Variants in PANK4 observed in about 807,000 individuals in gnomAD.
PANK4 encodes the protein pantothenate kinase 4 (inactive).
A neutral mutation model predicts 87.9 loss-of-function variants in PANK4; 40 were observed. The observed-to-expected ratio is 0.46, with a 90% CI of 0.35 to 0.59. PANK4 has a LOEUF of 0.59. Among genes scored for constraint, PANK4 ranks in the 20% least tolerant of loss-of-function variants. PANK4 has a pLI of 0.00. For synonymous variants in PANK4, 524 were observed against 467.4 expected, an observed-to-expected ratio of 1.12 and a Z score of -1.56; for missense variants, 926 against 1,072.3, an observed-to-expected ratio of 0.86 and a Z score of 1.90.
Position 2,515,179 on chromosome 1 carries a change from G to A in PANK4, c.1374+383C>T, listed in dbSNP as rs1172154261. The A allele has an allele frequency of 7.4e-6, 3 of 403,236 alleles. No individual in the cohort carries two copies. The highest frequency in any genetic ancestry group is 9.9e-6 in the Non-Finnish European group (2 of 202,644). The allele number at this position is 403,236 out of a possible 1,614,324, so 25.0% of individuals were successfully genotyped here. A position where few individuals can be genotyped will look rare whatever the true frequency, so the allele number is the denominator to read the frequency against. On this transcript the variant is annotated intron_variant, in intron 10 of 18. Coordinates refer to ENST00000378466, the MANE Select transcript of PANK4 (RefSeq NM_018216.4). This position sits in a 1 kb window ranked among gnomAD's most constrained non-coding sequence, Gnocchi z 5.0. Reference sequence around the variant, plus strand: ...GACGCAGGAGTCCCAAGGTGGCCTCGCCGGGAGCTTGCTGGGGCTGAGTCT... The same window carrying A: ...GACGCAGGAGTCCCAAGGTGGCCTCACCGGGAGCTTGCTGGGGCTGAGTCT...
intron 10 of PANK4, among the ~76,000 whole-genome samples, 172 bp from the exon 11 acceptor site, chr1:2,514,638 G>A (rs1161711748): frequency 7.1e-6 from 1 of 140,882 alleles, no homozygotes; most frequent in African/African-American, 2.7e-5. Context: ...GGCTGTCGGG[G>A]GCTGTTTGGG....
At position 2,510,925 on chromosome 1, in the gene PANK4, T is replaced by G; in HGVS notation, c.1834-143A>C. 1 of 626,110 alleles carries G rather than the reference T, an allele frequency of 1.6e-6. No individual in the cohort carries two copies. 38.8% of individuals were successfully genotyped at this position (626,110 alleles called of 1,614,324 possible). The stretch of plus-strand genomic sequence containing the variant: ...CAGAGATGCCAGGGATGGGCTGTCC[T>G]GCAGGGGCCGAGACCAGGGGCTTCA... On this transcript the variant is annotated intron_variant, in intron 15 of 18. Transcript: ENST00000378466. The surrounding 1 kb of genome is among the most constrained non-coding windows in gnomAD (Gnocchi z 4.9).
chr1:2,524,590 G>A (rs1406565232), intron 1 of PANK4, among the ~76,000 whole-genome samples: 2 of 152,172 alleles, frequency 1.3e-5, no homozygotes, highest in Non-Finnish European at 2.9e-5. Context: ...CTGGAGAACA[G>A]GCTGGTACTC....
Position 2,515,869 on chromosome 1 carries a change from C to T in PANK4, c.1219-152G>A. The T allele has an allele frequency of 2.6e-6, 2 of 763,356 alleles. No homozygotes were observed. Among genetic ancestry groups the T allele is most frequent in the Non-Finnish European group, 2.1e-6 (1 of 476,734 alleles). The allele number at this position is 763,356 out of a possible 1,614,324, so 47.3% of individuals were successfully genotyped here. On this transcript the variant is annotated intron_variant, in intron 9 of 18. Transcript: ENST00000378466. The surrounding 1 kb of genome is among the most constrained non-coding windows in gnomAD (Gnocchi z 5.0). ...CCACAGACGAGACCCCCACTGGGCC[C>T]CCTCAGCTGCCCGGCGGCCTGAGCC...
In PANK4 at chr1:2,510,582, G is replaced by A; in HGVS notation, c.1938+96C>T. The A allele has an allele frequency of 1.3e-6, 1 of 753,170 alleles. No homozygotes were observed. Among genetic ancestry groups the A allele is most frequent in the Non-Finnish European group, 2.3e-6 (1 of 429,752 alleles). The allele number at this position is 753,170 out of a possible 1,614,324, so 46.7% of individuals were successfully genotyped here. A position where few individuals can be genotyped will look rare whatever the true frequency, so the allele number is the denominator to read the frequency against. On this transcript the variant is annotated intron_variant, in intron 16 of 18. Coordinates refer to ENST00000378466, the MANE Select transcript of PANK4 (RefSeq NM_018216.4). The surrounding 1 kb of genome is among the most constrained non-coding windows in gnomAD (Gnocchi z 4.9). The stretch of plus-strand genomic sequence containing the variant: ...CTGCACCTACCTGCTGCGTCCGGAG[G>A]AGCCCCGACCACCGCCAGAGGCCCA...
rs1263580506 is a variant in PANK4 at position 2,520,086 on chromosome 1, G to A, written c.700-132C>T. 3 of 913,386 alleles carry A rather than the reference G, an allele frequency of 3.3e-6. No individual in the cohort carries two copies. The African/African-American group carries it at 5.0e-5, about 15-fold the overall frequency. 56.6% of individuals were successfully genotyped at this position (913,386 alleles called of 1,614,324 possible). Reference sequence around the variant, plus strand: ...TGGGCCCTCATCGCGTGGGACCAAAGGCAGGAGGCGGCAAGCGGGACCCTC... The same window carrying A: ...TGGGCCCTCATCGCGTGGGACCAAAAGCAGGAGGCGGCAAGCGGGACCCTC... On this transcript the variant is annotated intron_variant, in intron 5 of 18. Coordinates refer to ENST00000378466, the MANE Select transcript of PANK4 (RefSeq NM_018216.4). This position sits in a 1 kb window ranked among gnomAD's most constrained non-coding sequence, Gnocchi z 6.2.
rs1049247314 is a variant in PANK4 at position 2,510,231 on chromosome 1, C to T, written c.1939-74G>A. The T allele has an allele frequency of 2.0e-5, 20 of 990,772 alleles. No individual in the cohort carries two copies. Among genetic ancestry groups the T allele is most frequent in the African/African-American group, 6.4e-5 (4 of 62,216 alleles). The allele number at this position is 990,772 out of a possible 1,614,324, so 61.4% of individuals were successfully genotyped here. On this transcript the variant is annotated intron_variant, in intron 16 of 18. Transcript: ENST00000378466. This position sits in a 1 kb window ranked among gnomAD's most constrained non-coding sequence, Gnocchi z 4.9. Reference sequence around the variant, plus strand: ...TGGAGCCTGCGTGCACCCCGGCCTTCGAGTGGCTGGGCTGGGTGAGGGTGC... The same window carrying T: ...TGGAGCCTGCGTGCACCCCGGCCTTTGAGTGGCTGGGCTGGGTGAGGGTGC...
Position 2,513,883 on chromosome 1 carries a change from A to C in PANK4, c.1575+119T>G, listed in dbSNP as rs1368310514. ...CAGGGCTGGAGTTGGGGCCGCTACC[A>C]AACCTGCATGGCCTCAGACAGGACA... On this transcript the variant is annotated intron_variant, in intron 12 of 18. Coordinates refer to ENST00000378466, the MANE Select transcript of PANK4 (RefSeq NM_018216.4). The C allele has an allele frequency of 3.8e-6, 3 of 796,078 alleles. No homozygotes were observed. The African/African-American group carries it at 5.0e-5, about 13-fold the overall frequency. 49.3% of individuals were successfully genotyped at this position (796,078 alleles called of 1,614,324 possible).
At chr1:2,512,557 A>C (rs1244468681) in intron 13 of PANK4, 1 of 348,752 alleles carries the variant, frequency 2.9e-6, no homozygotes, top group African/African-American at 2.1e-5. Flanking sequence ...GAAATGTTTA[A>C]TTCCTACCAC....
rs563505161 is a variant in PANK4 at position 2,509,626 on chromosome 1, A to C, written c.2108+236T>G. The stretch of plus-strand genomic sequence containing the variant: ...AGGGACATTGGCCCCTCTTGCCCCA[A>C]GTCCCCAAACCCAGCCCATGTGTAA... On this transcript the variant is annotated intron_variant, in intron 18 of 18. Transcript: ENST00000378466. This position sits in a 1 kb window ranked among gnomAD's most constrained non-coding sequence, Gnocchi z 4.9. Among the ~76,000 whole-genome samples the C allele has an allele frequency of 5.3e-5, 8 of 152,202 alleles. No homozygotes were observed. The highest frequency in any genetic ancestry group is 1.9e-4 in the African/African-American group (8 of 41,526).
Position 2,515,956 on chromosome 1 carries a change from C to T in PANK4, c.1219-239G>A, listed in dbSNP as rs1643764078. On this transcript the variant is annotated intron_variant, in intron 9 of 18. Transcript: ENST00000378466. This position sits in a 1 kb window ranked among gnomAD's most constrained non-coding sequence, Gnocchi z 5.0. ...TTGCGTCTGCTCCCACCACACGCCT[C>T]CTGCCCCCAGCACCTCCCCGCTGCA... 3 of 575,858 alleles carry T rather than the reference C, an allele frequency of 5.2e-6. No homozygotes were observed. Among genetic ancestry groups the T allele is most frequent in the Non-Finnish European group, 9.3e-6 (3 of 322,372 alleles). 35.7% of individuals were successfully genotyped at this position (575,858 alleles called of 1,614,324 possible).
Position 2,509,777 on chromosome 1 carries a change from G to T in PANK4, c.2108+85C>A. On this transcript the variant is annotated intron_variant, in intron 18 of 18. Transcript: ENST00000378466. This position sits in a 1 kb window ranked among gnomAD's most constrained non-coding sequence, Gnocchi z 4.9. ...CCGCAGGGGCAGTCCTGAGGTCGGT[G>T]TCCCGCATGCACCTGGGTGCAGGTG... The T allele has an allele frequency of 1.6e-6, 2 of 1,221,612 alleles. No individual in the cohort carries two copies. Among genetic ancestry groups the T allele is most frequent in the Non-Finnish European group, 2.4e-6 (2 of 836,994 alleles). 75.7% of individuals were successfully genotyped at this position (1,221,612 alleles called of 1,614,324 possible).
chr1:2,517,645 C>A (rs916958719), intron 9 of PANK4, among the ~76,000 whole-genome samples: 1 of 152,236 alleles, frequency 6.6e-6, no homozygotes, highest in African/African-American at 2.4e-5. Flanking sequence ...CGTCTCCTAG[C>A]CCGCCAGTGC....
In PANK4 at chr1:2,515,598, T is replaced by C. The variant is rs1400692912; in HGVS notation, c.1338A>G (p.Lys446=). The part of the protein sequence containing the change: ...VDLTDDALAR[K]YWLTCFEEAL... ...CCTCCTCAAAGCAGGTGAGCCAGTA[T>C]TTTCGGGCCAGAGCGTCATCGGTGA... The change falls in exon 10 of 19, where the codon AAA becomes AAG. Residue 446 remains lysine, a synonymous_variant. Coordinates refer to ENST00000378466, the MANE Select transcript of PANK4 (RefSeq NM_018216.4). The surrounding 1 kb of genome is among the most constrained non-coding windows in gnomAD (Gnocchi z 5.0). The C allele has an allele frequency of 1.2e-6, 2 of 1,613,176 alleles. No homozygotes were observed. The highest frequency in any genetic ancestry group is 1.3e-5 in the African/African-American group (1 of 75,036).
rs759135911 is a variant in PANK4 at position 2,521,109 on chromosome 1, C to A, written c.414G>T (p.Leu138=). The A allele has an allele frequency of 3.7e-6, 6 of 1,612,718 alleles. No homozygotes were observed. The highest frequency in any genetic ancestry group is 5.1e-6 in the Non-Finnish European group (6 of 1,179,268). The change falls in exon 3 of 19, where the codon CTG becomes CTT. Residue 138 remains leucine, a synonymous_variant. Transcript: ENST00000378466. ...TTGAGATCCCCACTCACTTCAGCCGCAGCTTCTCTTCGATGAGGTCTTTGA... is the reference window on the plus strand; with the variant it reads ...TTGAGATCCCCACTCACTTCAGCCGAAGCTTCTCTTCGATGAGGTCTTTGA... ...YKFKDLIEEK[L]RLKVDKEDVM...
chr1:2,513,100 C>G, intron 12 of PANK4, 61 bp from the exon 13 acceptor site: 2 of 1,515,578 alleles, frequency 1.3e-6, no homozygotes, highest in Admixed American at 3.9e-5. Flanking sequence ...ACCCTGGACA[C>G]CTGCCAGGCG....
chr1:2,514,516 G>A (rs751952403), intron 10 of PANK4, 50 bp from the exon 11 acceptor site: 59 of 1,410,272 alleles, frequency 4.2e-5, no homozygotes, highest in Non-Finnish European at 5.7e-5. Flanking sequence ...CCTGCTGCTT[G>A]CGAATCCCCA....
At chr1:2,513,921 C>G (rs949808102) in intron 12 of PANK4, 81 bp downstream of exon 12, 1 of 1,062,454 alleles carries the variant, frequency 9.4e-7, no homozygotes, top group Middle Eastern at 2.0e-4. Context: ...ATGCCCCGAG[C>G]CAGCGGGACA....
chr1:2,519,875 C>T lies in PANK4; in HGVS notation c.779G>A (p.Gly260Asp). 6.4e-7 allele frequency: 1 copy of T among 1,567,638 alleles called. No homozygotes were observed. Among genetic ancestry groups the T allele is most frequent in the Non-Finnish European group, 8.6e-7 (1 of 1,156,680 alleles). The stretch of plus-strand genomic sequence containing the variant: ...GCTCAGCCCGAGAGTCTGGTGGGCG[C>T]CGCCGTAGACGTCCCGCACCAGCAT... The part of the protein sequence containing the change: ...VDMLVRDVYG[G>D]AHQTLGLSGN... The change falls in exon 6 of 19, where the codon GGC (glycine) becomes GAC (aspartate). Residue 260 changes from glycine to aspartate, a missense_variant. Physicochemically the swap from Gly to Asp is moderately conservative, Grantham distance 94. Coordinates refer to ENST00000378466, the MANE Select transcript of PANK4 (RefSeq NM_018216.4). This position sits in a 1 kb window ranked among gnomAD's most constrained non-coding sequence, Gnocchi z 8.3.
Sources: gnomAD v4.1 joint callset for allele counts (sites outside exome capture counted in the v4.1 genomes callset) on GRCh38, gnomAD v4.1.1 for gene constraint, Gnocchi (gnomAD v3.1) non-coding constraint, MANE v1.5 for transcripts, NCBI Gene and HGNC (gene_info 2026-07-23, HGNC 2026-07-21) for gene names.